Variants in PRKCQ observed in about 807,000 individuals in gnomAD.
The protein encoded by PRKCQ is protein kinase C theta type.
In PRKCQ, 41 loss-of-function variants were observed where a neutral mutation model predicts 91.2. That is an observed-to-expected ratio of 0.45 (90% CI 0.35 to 0.58). PRKCQ has a LOEUF of 0.58. Among genes scored for constraint, PRKCQ ranks in the 20% least tolerant of loss-of-function variants. The pLI, the probability that PRKCQ is intolerant of heterozygous loss-of-function variation, is 0.00. For missense variants in PRKCQ, 673 were observed against 896.5 expected (o/e 0.75, Z 3.18); for synonymous variants, 307 against 316.9 (o/e 0.97, Z 0.33).
At chr10:6,551,020 G>C (rs1242353811) in intron 1 of PRKCQ, among the ~76,000 whole-genome samples, 1 of 151,988 alleles carries the variant, frequency 6.6e-6, no homozygotes, top group Admixed American at 6.6e-5. Context: ...TTTATTTTAG[G>C]TTCAGGGGTA....
intron 1 of PRKCQ, among the ~76,000 whole-genome samples, chr10:6,556,823 T>C (rs1490731137): frequency 3.3e-5 from 5 of 152,168 alleles, no homozygotes; most frequent in African/African-American, 7.2e-5. Context: ...GTTCCCCTTA[T>C]GTCTCCAAAA....
intron 1 of PRKCQ, among the ~76,000 whole-genome samples, chr10:6,570,923 C>T (rs1324238783): frequency 2.6e-5 from 4 of 152,118 alleles, no homozygotes; most frequent in Non-Finnish European, 5.9e-5. Flanking sequence ...TAAAGTGAGG[C>T]GTGCAGCCCT....
chr10:6,466,230 T>C (rs1234219320), intron 12 of PRKCQ, among the ~76,000 whole-genome samples: 1 of 152,342 alleles, frequency 6.6e-6, no homozygotes, highest in South Asian at 2.1e-4. Context: ...ACACTGTCAA[T>C]TTAGATGTGG....
chr10:6,543,427 C>A (rs998383026), intron 1 of PRKCQ, among the ~76,000 whole-genome samples: 1 of 151,760 alleles, frequency 6.6e-6, no homozygotes, highest in African/African-American at 2.4e-5. Context: ...GGAAAGGTGG[C>A]GTTGGGGAAA....
At chr10:6,489,304 TG>T (rs1317305897) in intron 8 of PRKCQ, 53 of 471,962 alleles carry the variant, frequency 1.1e-4, no homozygotes, top group Admixed American at 3.3e-4. Context: ...TCCTTAAAAC[TG>T]TAGCCACATC....
chr10:6,404,674 TTCC>T, the PRKCQ span, among the ~76,000 whole-genome samples: 1 of 149,418 alleles, frequency 6.7e-6, no homozygotes, highest in Non-Finnish European at 1.5e-5. Flanking sequence ...CTTTCTCTCT[TTCC>T]TTTCTTCCTT....
chr10:6,467,521 C>T (rs746045872), intron 12 of PRKCQ, among the ~76,000 whole-genome samples: 4 of 151,642 alleles, frequency 2.6e-5, no homozygotes, highest in South Asian at 2.1e-4. Flanking sequence ...GTCTTTATGG[C>T]GGGTAATACA....
At chr10:6,462,511 T>C (rs1835408024) in intron 13 of PRKCQ, 146 bp from the exon 14 acceptor site, 2 of 673,984 alleles carry the variant, frequency 3.0e-6, no homozygotes, top group Non-Finnish European at 5.0e-6. Context: ...AAGGAAGATG[T>C]TGTCCATTCA....
intron 1 of PRKCQ, among the ~76,000 whole-genome samples, chr10:6,567,649 G>T (rs2130968350): frequency 6.6e-6 from 1 of 152,264 alleles, no homozygotes; most frequent in African/African-American, 2.4e-5. Flanking sequence ...TTTAGCTGGG[G>T]TTTAGCTGTT....
At position 6,441,896 on chromosome 10, in the gene PRKCQ, C is replaced by G; in HGVS notation, c.1833G>C (p.Val611=). 1.2e-6 allele frequency: 2 copies of G among 1,600,410 alleles called. No homozygotes were observed. The highest frequency in any genetic ancestry group is 1.7e-6 in the Non-Finnish European group (2 of 1,168,954). The change falls in exon 16 of 18, where the codon GTG becomes GTC. Residue 611 remains valine (V), a synonymous_variant. Coordinates refer to ENST00000263125, the MANE Select transcript of PRKCQ (RefSeq NM_006257.5). ...WLEKEAKDLL[V]KLFVREPEKR... ...CGCTCTTGGCTTCGCTTCTTACCTTCACCAGAAGGTCCTTTGCTTCCTTCT... is the reference window on the plus strand; with the variant it reads ...CGCTCTTGGCTTCGCTTCTTACCTTGACCAGAAGGTCCTTTGCTTCCTTCT...
chr10:6,399,172 CT>C, the PRKCQ span, among the ~76,000 whole-genome samples: 1 of 152,202 alleles, frequency 6.6e-6, no homozygotes, highest in East Asian at 1.9e-4. Flanking sequence ...AGAATGACAG[CT>C]TTGGGTGAAA....
the PRKCQ span, among the ~76,000 whole-genome samples, chr10:6,413,039 G>A: frequency 2.0e-5 from 3 of 152,050 alleles, no homozygotes; most frequent in African/African-American, 2.4e-5. Context: ...TGCAAGCTCC[G>A]CCTCCTGGGT....
intron 2 of PRKCQ, among the ~76,000 whole-genome samples, chr10:6,513,279 A>C (rs1012732499): frequency 8.5e-5 from 13 of 152,224 alleles, no homozygotes; most frequent in Non-Finnish European, 1.6e-4. Flanking sequence ...GATAATATTC[A>C]GAGTGATTTC....
At chr10:6,503,980 A>G (rs1838054295) in intron 4 of PRKCQ, among the ~76,000 whole-genome samples, 1 of 152,026 alleles carries the variant, frequency 6.6e-6, no homozygotes, top group South Asian at 2.1e-4. Flanking sequence ...GTCACTCTAC[A>G]TTGCCCAGGC....
At chr10:6,434,977 C>T (rs375931588) in intron 16 of PRKCQ, among the ~76,000 whole-genome samples, 6 of 152,180 alleles carry the variant, frequency 3.9e-5, no homozygotes, top group South Asian at 4.2e-4. Flanking sequence ...TGCAGTGGCG[C>T]GATCTCGGCT....
At chr10:6,442,997 G>A (rs893938653) in intron 15 of PRKCQ, among the ~76,000 whole-genome samples, 12 of 152,032 alleles carry the variant, frequency 7.9e-5, no homozygotes, top group Admixed American at 7.2e-4. Context: ...CTCAAATCTA[G>A]AAATGAAAGA....
intron 15 of PRKCQ, among the ~76,000 whole-genome samples, chr10:6,447,020 G>A (rs946082859): frequency 2.6e-5 from 4 of 152,180 alleles, no homozygotes; most frequent in Non-Finnish European, 5.9e-5. Context: ...CAATACCAGT[G>A]TGGTTTCCAG....
chr10:6,541,297 T>A (rs1183409607), intron 1 of PRKCQ, among the ~76,000 whole-genome samples: 3 of 152,210 alleles, frequency 2.0e-5, no homozygotes, highest in Non-Finnish European at 4.4e-5. Flanking sequence ...GTTGGCCTAG[T>A]TTTTCAGTCT....
At chr10:6,462,660 AT>A (rs898302603) in intron 13 of PRKCQ, among the ~76,000 whole-genome samples, 10 of 151,958 alleles carry the variant, frequency 6.6e-5, no homozygotes, top group South Asian at 2.1e-4. Flanking sequence ...TCACATTGTC[AT>A]TTTTTTTGTT....
Sources: allele counts gnomAD v4.1 joint callset (sites outside exome capture counted in the v4.1 genomes callset), GRCh38; gene constraint gnomAD v4.1.1; transcripts MANE v1.5; gene names NCBI Gene and HGNC (gene_info 2026-07-23, HGNC 2026-07-21).